The following BCO1 variants were observed in gnomAD, a reference collection of about 807,000 sequenced individuals.
BCO1 encodes the protein beta-carotene oxygenase 1, also known as beta,beta-carotene 15,15'-dioxygenase.
A neutral mutation model predicts 56.3 loss-of-function variants in BCO1; 54 were observed. The ratio of observed to expected loss-of-function variants is 0.96; its 90% CI spans 0.77 to 1.20. The LOEUF (loss-of-function observed/expected upper bound fraction) is 1.20. BCO1 is among the 50% of genes most tolerant of loss of function. The probability of loss-of-function intolerance (pLI) is 0.00; values close to 1 mark genes in which losing one functional copy is unlikely to be tolerated. For synonymous variants in BCO1, 318 were observed against 266.1 expected, an observed-to-expected ratio of 1.20 and a Z score of -1.90; for missense variants, 801 against 690.9, an observed-to-expected ratio of 1.16 and a Z score of -1.79.
chr16:81,290,618 A>T lies in BCO1; in HGVS notation c.*41A>T. 1.5e-5 allele frequency: 22 copies of T among 1,490,606 alleles called. No individual in the cohort carries two copies. Among genetic ancestry groups the T allele is most frequent in the Non-Finnish European group, 2.0e-5 (22 of 1,076,686 alleles). 92.3% of individuals were successfully genotyped at this position (1,490,606 alleles called of 1,614,324 possible). ...GGTAGGGGAGGGGAGCTCGGCTGTC[A>T]GAACTCCATGGATATGTTTCTTTGG... On this transcript the variant is annotated 3_prime_UTR_variant, in exon 11 of 11. Transcript: ENST00000258168.
chr16:81,278,695 G>T (rs1466042257), intron 7 of BCO1, among the ~76,000 whole-genome samples: 1 of 152,128 alleles, frequency 6.6e-6, no homozygotes, highest in African/African-American at 2.4e-5. Context: ...CAGGGTTTGG[G>T]GAAGAACCAG....
In BCO1 at chr16:81,270,339, C is replaced by A; in HGVS notation, c.1024C>A (p.Gln342Lys). ...YQLFYLANLN[Q>K]DFKENSRLTS... ...GCTCTTCTACCTGGCCAACCTGAAC[C>A]AGGACTTCAAGGAGAACTCCAGGCT... Residue 342 changes from glutamine to lysine, a missense_variant, in exon 7 of 11, where the codon CAG becomes AAG. Coordinates refer to ENST00000258168, the MANE Select transcript of BCO1 (RefSeq NM_017429.3). 2 of 1,614,126 alleles carry A rather than the reference C, an allele frequency of 1.2e-6. No homozygotes were observed. Among genetic ancestry groups the A allele is most frequent in the Middle Eastern group, 1.6e-4 (1 of 6,062 alleles).
intron 1 of BCO1, among the ~76,000 whole-genome samples, chr16:81,241,065 C>G (rs950770145): frequency 2.0e-5 from 3 of 152,144 alleles, no homozygotes; most frequent in Non-Finnish European, 2.9e-5. Context: ...AACTCCCAAC[C>G]TCAGTTGATC....
At position 81,267,904 on chromosome 16, in the gene BCO1, C is replaced by G. The variant is rs1407918248; in HGVS notation, c.620-4C>G. The G allele has an allele frequency of 3.7e-6, 6 of 1,613,378 alleles. No homozygotes were observed. The East Asian group carries it at 1.1e-4, about 30-fold the overall frequency. ...TTCCTGAGGCTTGCTTTTTGTCTTG[C>G]TAGAGGGCAAGAAGCAGGGGAAGAG... On this transcript the variant is annotated splice_polypyrimidine_tract_variant and splice_region_variant and intron_variant, in intron 5 of 10. Transcript: ENST00000258168.
At position 81,270,225 on chromosome 16, in the gene BCO1, A is replaced by C. The variant is rs1907101247; in HGVS notation, c.910A>C (p.Met304Leu). 1 of 1,614,196 alleles carries C rather than the reference A, an allele frequency of 6.2e-7. No individual in the cohort carries two copies. The highest frequency in any genetic ancestry group is 8.5e-7 in the Non-Finnish European group (1 of 1,180,026). ...PVQTKFYTDA[M>L]VVFHHVNAYE... is the part of the protein sequence containing the mutation. ...GCAGACCAAGTTTTACACAGACGCCATGGTGGTCTTCCATCACGTCAACGC... is the reference window on the plus strand; with the variant it reads ...GCAGACCAAGTTTTACACAGACGCCCTGGTGGTCTTCCATCACGTCAACGC... The change falls in exon 7 of 11, where the codon ATG becomes CTG. Residue 304 changes from methionine (M) to leucine (L), a missense_variant. Coordinates refer to ENST00000258168, the MANE Select transcript of BCO1 (RefSeq NM_017429.3).
intron 8 of BCO1, among the ~76,000 whole-genome samples, chr16:81,284,258 A>ATATATATT (rs1555506657): frequency 2.8e-3 from 2 of 724 alleles, no homozygotes; most frequent in African/African-American, 4.6e-3. Context: ...TTATATATAA[A>ATATATATT]TATATATTTA....
intron 7 of BCO1, among the ~76,000 whole-genome samples, chr16:81,276,132 G>A (rs7499777): frequency 0.69 from 105,031 of 152,188 alleles, 37,537 homozygotes; most frequent in East Asian, 0.93. Context: ...AGACACTCCA[G>A]TAAGAGAAGC....
intron 7 of BCO1, among the ~76,000 whole-genome samples, chr16:81,270,696 G>C (rs866784369): frequency 3.3e-5 from 5 of 150,528 alleles, no homozygotes; most frequent in African/African-American, 7.3e-5. Flanking sequence ...CTGTGTCTGT[G>C]TGTGTGTGTG....
intron 1 of BCO1, 86 bp from the exon 2 acceptor site, chr16:81,245,389 C>G (rs544587228): frequency 6.3e-7 from 1 of 1,598,798 alleles, no homozygotes; most frequent in African/African-American, 1.3e-5. Flanking sequence ...GGGACCACAA[C>G]TCTCAAATTC....
At chr16:81,259,231 C>A (rs532321252) in intron 2 of BCO1, among the ~76,000 whole-genome samples, 1 of 152,116 alleles carries the variant, frequency 6.6e-6, no homozygotes, top group African/African-American at 2.4e-5. Flanking sequence ...TGGTGGCTCA[C>A]GCTTGTAATT....
chr16:81,253,247 C>G (rs1391940799), intron 2 of BCO1, among the ~76,000 whole-genome samples: 2 of 152,152 alleles, frequency 1.3e-5, no homozygotes, highest in Non-Finnish European at 2.9e-5. Flanking sequence ...TGAGATGAAA[C>G]CTAGAGCCGA....
Position 81,262,076 on chromosome 16 carries a change from T to C in BCO1, c.324-60T>C, listed in dbSNP as rs564498764. On this transcript the variant is annotated intron_variant, in intron 3 of 10. Transcript: ENST00000258168. Reference sequence around the variant, plus strand: ...GTAGGAAAACTAAAGCCATCAAGGATAGACTTCTCTGGCTGGGTGGACATA... The same window carrying C: ...GTAGGAAAACTAAAGCCATCAAGGACAGACTTCTCTGGCTGGGTGGACATA... 74 of 1,586,546 alleles carry C rather than the reference T, an allele frequency of 4.7e-5. No homozygotes were observed. In the East Asian group the frequency reaches 1.5e-3, roughly 33 times the overall value.
intron 1 of BCO1, among the ~76,000 whole-genome samples, chr16:81,242,789 C>T (rs536351025): frequency 7.9e-5 from 12 of 152,216 alleles, no homozygotes; most frequent in African/African-American, 2.4e-4. Context: ...TGTTAGGAAC[C>T]GGGCCGCACA....
chr16:81,267,384 G>A (rs544023836), intron 5 of BCO1, among the ~76,000 whole-genome samples: 3 of 152,204 alleles, frequency 2.0e-5, no homozygotes, highest in Admixed American at 6.5e-5. Context: ...AGGCCGAGGC[G>A]GGCAGATCAC....
intron 2 of BCO1, among the ~76,000 whole-genome samples, chr16:81,255,289 A>G (rs1015294416): frequency 6.6e-6 from 1 of 151,060 alleles, no homozygotes; most frequent in African/African-American, 2.4e-5. Flanking sequence ...CTGGCCTTCG[A>G]CTCCAGATTA....
rs57961725 is a variant in BCO1, at chr16:81,254,295, ATT to A, written c.194-5355_194-5354del. Among the ~76,000 whole-genome samples the A allele has an allele frequency of 9.8e-4, 77 of 78,278 alleles. 1 individual carries two copies. Among genetic ancestry groups the A allele is most frequent in the African/African-American group, 4.1e-3 (71 of 17,324 alleles). 51.4% of individuals were successfully genotyped at this position (78,278 alleles called of 152,430 possible). On this transcript the variant is annotated intron_variant, in intron 2 of 10. Coordinates refer to ENST00000258168, the MANE Select transcript of BCO1 (RefSeq NM_017429.3). ...GGGTGCGTGCCACCACGCCCGGCTA[ATT>A]TTTTTTTTTTTTTTTTTTTTTTTTT... is the stretch of plus-strand genomic sequence containing the variant.
chr16:81,283,425 A>G (rs866401068), intron 8 of BCO1, among the ~76,000 whole-genome samples: 3 of 151,720 alleles, frequency 2.0e-5, no homozygotes, highest in African/African-American at 7.3e-5. Flanking sequence ...CCCCATCTCT[A>G]TTTAAAAAAA....
At chr16:81,286,359 T>C (rs961079088) in intron 9 of BCO1, among the ~76,000 whole-genome samples, 3 of 152,092 alleles carry the variant, frequency 2.0e-5, no homozygotes, top group Admixed American at 2.0e-4. Flanking sequence ...AAATTAAGCC[T>C]CCACCCCTCC....
At chr16:81,262,832 A>G (rs1159389901) in intron 4 of BCO1, 1 of 91,330 alleles carries the variant, frequency 1.1e-5, no homozygotes, top group East Asian at 5.0e-4. Flanking sequence ...GTCTCAAACA[A>G]AAACAAAAAA....
Sources: gnomAD v4.1 joint callset for allele counts (sites outside exome capture counted in the v4.1 genomes callset) on GRCh38, gnomAD v4.1.1 for gene constraint, MANE v1.5 for transcripts, NCBI Gene and HGNC (gene_info 2026-07-23, HGNC 2026-07-21) for gene names.